The following FRMD4A variants were observed in gnomAD, a reference collection of about 807,000 sequenced individuals.
FRMD4A encodes the protein FERM domain-containing protein 4A.
Under a neutral mutation model 129.1 loss-of-function variants are expected in FRMD4A, and 29 were observed. That is an observed-to-expected ratio of 0.22 (90% CI 0.17 to 0.31). The LOEUF (loss-of-function observed/expected upper bound fraction) is 0.31, where lower values mean the gene tolerates loss of function less well. Among genes scored for constraint, FRMD4A ranks in the 10% least tolerant of loss-of-function variants. FRMD4A has a pLI of 1.00. For synonymous variants in FRMD4A, 634 were observed against 571.6 expected, an observed-to-expected ratio of 1.11 and a Z score of -1.56; for missense variants, 1,272 against 1,375.8, an observed-to-expected ratio of 0.92 and a Z score of 1.19.
intron 2 of FRMD4A, among the ~76,000 whole-genome samples, chr10:13,881,294 A>G (rs1021091950): frequency 1.3e-5 from 2 of 150,256 alleles, no homozygotes; most frequent in African/African-American, 4.9e-5. Context: ...ATGGTGGTGC[A>G]TGCCTGTAGT....
chr10:13,831,946 AAAC>A (rs1469027384), intron 3 of FRMD4A, among the ~76,000 whole-genome samples: 2 of 152,120 alleles, frequency 1.3e-5, no homozygotes, highest in Non-Finnish European at 2.9e-5. Context: ...TTTTTTAGCC[AAAC>A]AACAGCAATC....
Position 14,222,455 on chromosome 10 carries a change from G to C in FRMD4A, c.45+107603C>G, listed in dbSNP as rs577762735. Among the ~76,000 whole-genome samples, 6 of 152,302 alleles carry C rather than the reference G, an allele frequency of 3.9e-5. No homozygotes were observed. In the South Asian group the frequency reaches 6.2e-4, roughly 16 times the overall value. ...TGCCCAATCATCAGAATCATCTTTG[G>C]AGAGCAGAAGATGTGAGAAACTTGA... On this transcript the variant is annotated intron_variant, in intron 2 of 24. Coordinates refer to ENST00000357447, the MANE Select transcript of FRMD4A (RefSeq NM_018027.5).
chr10:14,260,909 G>A (rs562747021), intron 2 of FRMD4A, among the ~76,000 whole-genome samples: 1 of 152,374 alleles, frequency 6.6e-6, no homozygotes, highest in South Asian at 2.1e-4. Flanking sequence ...CCTGGGGTCA[G>A]GCTTGGCCAC....
intron 2 of FRMD4A, among the ~76,000 whole-genome samples, chr10:13,961,848 A>G (rs999770100): frequency 2.0e-5 from 3 of 152,078 alleles, no homozygotes; most frequent in African/African-American, 4.8e-5. Context: ...TTTGTTTACC[A>G]TTTCATCTCC....
intron 12 of FRMD4A, among the ~76,000 whole-genome samples, chr10:13,717,699 T>C (rs1381701397): frequency 7.1e-6 from 1 of 140,598 alleles, no homozygotes; most frequent in African/African-American, 2.7e-5. Flanking sequence ...CTTGTTTTTT[T>C]TTTTTTTTTT....
At chr10:14,223,052 A>C (rs1168579048) in intron 2 of FRMD4A, among the ~76,000 whole-genome samples, 2 of 152,174 alleles carry the variant, frequency 1.3e-5, no homozygotes, top group Non-Finnish European at 2.9e-5. Flanking sequence ...GCACCACTGC[A>C]CTCCAGCCTG....
chr10:14,122,387 G>A (rs1300272018), intron 2 of FRMD4A, among the ~76,000 whole-genome samples: 1 of 152,106 alleles, frequency 6.6e-6, no homozygotes, highest in Non-Finnish European at 1.5e-5. Flanking sequence ...CATGGGGTGT[G>A]TATTAGTCTA....
intron 2 of FRMD4A, among the ~76,000 whole-genome samples, chr10:13,915,471 G>C (rs1381189539): frequency 2.6e-5 from 4 of 151,900 alleles, no homozygotes; most frequent in Non-Finnish European, 4.4e-5. Flanking sequence ...AGGAGATCGA[G>C]ACCATCCTGG....
intron 2 of FRMD4A, among the ~76,000 whole-genome samples, chr10:13,968,308 G>A (rs780672005): frequency 2.6e-5 from 4 of 152,188 alleles, no homozygotes; most frequent in Admixed American, 2.6e-4. Context: ...CTACAAAAAA[G>A]TACTGCTTAA....
chr10:13,853,924 C>T (rs905788983), intron 3 of FRMD4A, among the ~76,000 whole-genome samples: 1 of 150,162 alleles, frequency 6.7e-6, no homozygotes, highest in East Asian at 2.0e-4. Context: ...AGCACTGAAA[C>T]GAAGCCTGTC....
rs117729233 is a variant in FRMD4A at position 14,110,856 on chromosome 10, G to A, written c.45+219202C>T. Among the ~76,000 whole-genome samples, 1,324 of 152,182 alleles carry A rather than the reference G, an allele frequency of 8.7e-3. 8 individuals carry two copies. Among genetic ancestry groups the A allele is most frequent in the Non-Finnish European group, 0.013 (901 of 68,006 alleles). On this transcript the variant is annotated intron_variant, in intron 2 of 24. Coordinates refer to ENST00000357447, the MANE Select transcript of FRMD4A (RefSeq NM_018027.5). ...ATTATTATTATTTGTTTTAGAGATA[G>A]CGTCTCCTTCTGTCACCTAGGCTGG... is the stretch of plus-strand genomic sequence containing the variant.
In FRMD4A at chr10:13,904,974, CAG is replaced by C. The variant is rs1491128737; in HGVS notation, c.46-46064_46-46063del. 4.7e-5 allele frequency among the ~76,000 whole-genome samples: 5 copies of C among 106,216 alleles called. No homozygotes were observed. The East Asian group carries it at 1.5e-3, about 32-fold the overall frequency. 69.7% of individuals were successfully genotyped at this position (106,216 alleles called of 152,430 possible). On this transcript the variant is annotated intron_variant, in intron 2 of 24. Transcript: ENST00000357447. ...TGCCACTGCACTCCAGCCTGGGCGA[CAG>C]AGTGAGACTCTATCTCAAAAAAAAA...
chr10:13,661,398 T>C (rs1237905924), intron 19 of FRMD4A, among the ~76,000 whole-genome samples: 1 of 152,024 alleles, frequency 6.6e-6, no homozygotes, highest in Non-Finnish European at 1.5e-5. Context: ...GTGGAGGCCC[T>C]GAGGGCAGGG....
At chr10:14,090,164 CG>C (rs1255033084) in intron 2 of FRMD4A, among the ~76,000 whole-genome samples, 1 of 152,148 alleles carries the variant, frequency 6.6e-6, no homozygotes, top group Non-Finnish European at 1.5e-5. Context: ...CAAGAGTCTT[CG>C]GGGTGGCACT....
At chr10:14,021,069 T>A (rs1260086105) in intron 2 of FRMD4A, among the ~76,000 whole-genome samples, 1 of 152,068 alleles carries the variant, frequency 6.6e-6, no homozygotes, top group African/African-American at 2.4e-5. Flanking sequence ...ACTGTATTGA[T>A]AAGGAAACTG....
At chr10:14,134,542 G>C (rs923843340) in intron 2 of FRMD4A, among the ~76,000 whole-genome samples, 1 of 151,390 alleles carries the variant, frequency 6.6e-6, no homozygotes, top group Admixed American at 6.6e-5. Flanking sequence ...AAGATGGAGG[G>C]ATTGGTGAAA....
chr10:14,033,808 G>C (rs1228847930), intron 2 of FRMD4A, among the ~76,000 whole-genome samples: 6 of 148,638 alleles, frequency 4.0e-5, no homozygotes, highest in African/African-American at 1.0e-4. Flanking sequence ...GAGAGACAGA[G>C]AGAGAAAGAA....
At chr10:13,826,837 A>C (rs1293167037) in intron 3 of FRMD4A, among the ~76,000 whole-genome samples, 1 of 152,174 alleles carries the variant, frequency 6.6e-6, no homozygotes, top group African/African-American at 2.4e-5. Context: ...CCTAAACAGC[A>C]TTTTCATGAA....
At position 13,645,345 on chromosome 10, in the gene FRMD4A, GAAA is replaced by G. The variant is rs1007470219; in HGVS notation, c.*1690_*1692del. On this transcript the variant is annotated 3_prime_UTR_variant, in exon 25 of 25. Coordinates refer to ENST00000357447, the MANE Select transcript of FRMD4A (RefSeq NM_018027.5). ...TTCCAATAGGAAGTCATTAGAGTGA[GAAA>G]AAAATTCCACCCCCACCCCATCCCC... 4 of 104,678 alleles carry G rather than the reference GAAA, an allele frequency of 3.8e-5. No individual in the cohort carries two copies. The highest frequency in any genetic ancestry group is 1.6e-4 in the African/African-American group (4 of 25,740). 6.5% of individuals were successfully genotyped at this position (104,678 alleles called of 1,614,324 possible).
Sources: allele counts gnomAD v4.1 joint callset (sites outside exome capture counted in the v4.1 genomes callset), GRCh38; gene constraint gnomAD v4.1.1; transcripts MANE v1.5; gene names NCBI Gene and HGNC (gene_info 2026-07-23, HGNC 2026-07-21).